DNAJB14: variants seen among roughly 807,000 people sequenced by gnomAD.
DNAJB14 encodes the protein DnaJ heat shock protein family (Hsp40) member B14.
DNAJB14 carries 22 observed loss-of-function variants against 48.4 expected under a neutral mutation model. The observed-to-expected ratio is 0.45, with a 90% confidence interval of 0.32 to 0.65. The LOEUF (loss-of-function observed/expected upper bound fraction) is 0.65, where lower values mean the gene tolerates loss of function less well. Ranked by LOEUF, DNAJB14 falls within the 30% of genes least tolerant of loss-of-function variation. The pLI, the probability that DNAJB14 is intolerant of heterozygous loss-of-function variation, is 0.03. For missense variants in DNAJB14, 319 were observed against 458.8 expected, an observed-to-expected ratio of 0.70 and a Z score of 2.78; for synonymous variants, 142 against 158.7, an observed-to-expected ratio of 0.89 and a Z score of 0.79.
At chr4:99,907,267 TC>T in intron 4 of DNAJB14, among the ~76,000 whole-genome samples, 1 of 152,316 alleles carries the variant, frequency 6.6e-6, no homozygotes, top group Admixed American at 6.5e-5. Context: ...TAATAATTTT[TC>T]TGTAATTATG....
intron 2 of DNAJB14, chr4:99,927,199 T>C (rs1020902083): frequency 3.9e-5 from 6 of 152,138 alleles, no homozygotes; most frequent in Non-Finnish European, 5.9e-5. Flanking sequence ...AGCTCAACAA[T>C]GGGAAAACTC....
At chr4:99,924,272 G>A (rs1321101199) in intron 2 of DNAJB14, 1 of 152,102 alleles carries the variant, frequency 6.6e-6, no homozygotes, top group African/African-American at 2.4e-5. Flanking sequence ...GAACTGCAAA[G>A]ACTGACTCAA....
chr4:99,905,791 A>G (rs1407137149), intron 5 of DNAJB14, 85 bp from the exon 6 acceptor site: 1 of 1,436,020 alleles, frequency 7.0e-7, no homozygotes, highest in East Asian at 2.4e-5. Flanking sequence ...TTTGAGGCAG[A>G]AAGCGCATTT....
At position 99,924,876 on chromosome 4, in the gene DNAJB14, A is replaced by T; in HGVS notation, c.306-1691T>A. On this transcript the variant is annotated intron_variant, in intron 2 of 7. Coordinates refer to ENST00000442697, the MANE Select transcript of DNAJB14 (RefSeq NM_001031723.4). ...TGCATAAAAAACTGAATTCAACTGT[A>T]GATTTTGCCTCTAGGCAAAAATCTG... The T allele has an allele frequency of 2.4e-6, 3 of 1,254,106 alleles. No individual in the cohort carries two copies. In the East Asian group the frequency reaches 7.0e-5, roughly 29 times the overall value. The allele number at this position is 1,254,106 out of a possible 1,614,324, so 77.7% of individuals were successfully genotyped here.
At chr4:99,935,313 G>A (rs1726631890) in intron 1 of DNAJB14, among the ~76,000 whole-genome samples, 2 of 152,118 alleles carry the variant, frequency 1.3e-5, no homozygotes, top group East Asian at 1.9e-4. Flanking sequence ...TAAAACAATG[G>A]AGTAACAGAT....
At chr4:99,942,352 A>G (rs757892596) in intron 1 of DNAJB14, 2 of 151,964 alleles carry the variant, frequency 1.3e-5, no homozygotes, top group Non-Finnish European at 2.9e-5. Flanking sequence ...TCTACAAACT[A>G]TTTCCCAATT....
chr4:99,904,994 G>T (rs1401405868), intron 6 of DNAJB14, among the ~76,000 whole-genome samples: 2 of 151,778 alleles, frequency 1.3e-5, no homozygotes, highest in African/African-American at 4.8e-5. Context: ...TAAAATCACT[G>T]ATTTTTATTA....
chr4:99,906,647 C>T, intron 4 of DNAJB14, 36 bp from the exon 5 acceptor site: 2 of 1,472,214 alleles, frequency 1.4e-6, no homozygotes, highest in Middle Eastern at 2.2e-4. Context: ...TTAGGGAGAG[C>T]AATTATGATC....
At chr4:99,930,382 G>T in intron 2 of DNAJB14, 68 bp downstream of exon 2, 2 of 1,443,746 alleles carry the variant, frequency 1.4e-6, no homozygotes, top group Admixed American at 2.4e-5. Flanking sequence ...ACTTTTTTCA[G>T]GTGTTATAAC....
In DNAJB14 at chr4:99,908,753, C is replaced by G. The variant is rs1184210497; in HGVS notation, c.595G>C (p.Glu199Gln). The G allele has an allele frequency of 1.2e-6, 2 of 1,607,742 alleles. No homozygotes were observed. The highest frequency in any genetic ancestry group is 1.7e-6 in the Non-Finnish European group (2 of 1,177,478). ...HRGCEADITP[E>Q]DLFNIFFGGG... is the part of the protein sequence containing the mutation. ...CCAAAAAATATATTAAACAAGTCTT[C>G]TGGAGTTATATCAGCTTCACAACCT... is the stretch of plus-strand genomic sequence containing the variant. The change falls in exon 4 of 8, where the codon GAA becomes CAA. Residue 199 changes from glutamate (E) to glutamine (Q), a missense_variant. Around this residue, in one of 3 missense-constraint regions of DNAJB14, gnomAD observed 166 missense variants for 236.3 expected, o/e 0.70. Coordinates refer to ENST00000442697, the MANE Select transcript of DNAJB14 (RefSeq NM_001031723.4).
chr4:99,929,682 TAACTA>T (rs1254677205), intron 2 of DNAJB14: 3 of 152,154 alleles, frequency 2.0e-5, no homozygotes, highest in Admixed American at 6.5e-5. Context: ...AGACTTAACC[TAACTA>T]ATTTTAACTA....
At chr4:99,915,630 T>A (rs1287512344) in intron 3 of DNAJB14, among the ~76,000 whole-genome samples, 1 of 152,184 alleles carries the variant, frequency 6.6e-6, no homozygotes, top group Non-Finnish European at 1.5e-5. Flanking sequence ...TAGTGGAGGT[T>A]TATCTTATGA....
intron 7 of DNAJB14, among the ~76,000 whole-genome samples, chr4:99,901,488 G>A (rs1003967967): frequency 6.6e-6 from 1 of 151,996 alleles, no homozygotes; most frequent in African/African-American, 2.4e-5. Context: ...AATATTATAT[G>A]CTTTTCAATA....
In DNAJB14 at chr4:99,900,969, C is replaced by CA. The variant is rs1465872325; in HGVS notation, c.*58dup. Reference sequence around the variant, plus strand: ...TTTCCTTCATCCCTCATGATGAAACCAAACTTACTTACAGAAAAAATAAAG... The same window carrying CA: ...TTTCCTTCATCCCTCATGATGAAACCAAAACTTACTTACAGAAAAAATAAAG... On this transcript the variant is annotated 3_prime_UTR_variant, in exon 8 of 8. Transcript: ENST00000442697. 1.3e-6 allele frequency: 2 copies of CA among 1,543,626 alleles called. No homozygotes were observed. The highest frequency in any genetic ancestry group is 1.7e-6 in the Non-Finnish European group (2 of 1,148,296).
chr4:99,934,198 G>C (rs1472138978), intron 1 of DNAJB14, among the ~76,000 whole-genome samples: 1 of 152,116 alleles, frequency 6.6e-6, no homozygotes, highest in Non-Finnish European at 1.5e-5. Flanking sequence ...AGTAGGGAAG[G>C]ATAAAGGAAT....
chr4:99,943,498 T>C (rs927126281), intron 1 of DNAJB14, among the ~76,000 whole-genome samples: 2 of 152,202 alleles, frequency 1.3e-5, no homozygotes, highest in African/African-American at 2.4e-5. Flanking sequence ...AGCTTCACAC[T>C]TGTAAAATGG....
At chr4:99,902,508 CAA>C (rs1725328842) in intron 7 of DNAJB14, among the ~76,000 whole-genome samples, 1 of 152,058 alleles carries the variant, frequency 6.6e-6, no homozygotes, top group African/African-American at 2.4e-5. Flanking sequence ...AGTTAGAAGT[CAA>C]AGAGGTCACA....
chr4:99,909,263 AAT>A (rs1725573582), intron 3 of DNAJB14, among the ~76,000 whole-genome samples: 1 of 150,854 alleles, frequency 6.6e-6, no homozygotes, highest in Non-Finnish European at 1.5e-5. Context: ...CTCTGCACCC[AAT>A]ACCTTATTAC....
intron 1 of DNAJB14, among the ~76,000 whole-genome samples, chr4:99,933,810 G>A (rs1272849863): frequency 2.0e-5 from 3 of 152,058 alleles, no homozygotes; most frequent in Non-Finnish European, 2.9e-5. Context: ...AATATAAGGT[G>A]GGGAAAAACC....
Sources: allele counts gnomAD v4.1 joint callset (sites outside exome capture counted in the v4.1 genomes callset), GRCh38; gene constraint gnomAD v4.1.1; regional missense constraint gnomAD v4.1.1; transcripts MANE v1.5; gene names NCBI Gene and HGNC (gene_info 2026-07-23, HGNC 2026-07-21).